The following TSHZ2 variants were observed in gnomAD, a reference collection of about 807,000 sequenced individuals.
TSHZ2 encodes teashirt homolog 2.
Under a neutral mutation model 74.4 loss-of-function variants are expected in TSHZ2, and 21 were observed. The ratio of observed to expected loss-of-function variants is 0.28; its 90% confidence interval spans 0.20 to 0.41. The LOEUF (loss-of-function observed/expected upper bound fraction) is 0.41, where lower values mean the gene tolerates loss of function less well. TSHZ2 is among the 10% of genes least tolerant of loss of function. The pLI is 1.00. For synonymous variants in TSHZ2, 540 were observed against 515.3 expected (o/e 1.05, Z -0.65); for missense variants, 1,244 against 1,293.5 (o/e 0.96, Z 0.59).
intron 2 of TSHZ2, among the ~76,000 whole-genome samples, chr20:53,272,868 T>C (rs929704615): frequency 2.0e-5 from 3 of 152,156 alleles, no homozygotes; most frequent in African/African-American, 7.2e-5. Flanking sequence ...ATAATAATAC[T>C]AAGGGCTAAC....
intron 1 of TSHZ2, among the ~76,000 whole-genome samples, chr20:53,073,556 A>G (rs897034633): frequency 2.6e-5 from 4 of 152,232 alleles, no homozygotes; most frequent in African/African-American, 9.6e-5. Context: ...CTACTGAATG[A>G]TTTTAAAACT....
intron 2 of TSHZ2, among the ~76,000 whole-genome samples, chr20:53,274,846 G>A (rs1055780051): frequency 6.6e-6 from 1 of 152,004 alleles, no homozygotes; most frequent in Admixed American, 6.6e-5. Flanking sequence ...CCTAGAGATG[G>A]GCACGTTGAA....
At chr20:53,477,978 G>A (rs1379044093) in intron 2 of TSHZ2, among the ~76,000 whole-genome samples, 2 of 142,864 alleles carry the variant, frequency 1.4e-5, no homozygotes, top group Non-Finnish European at 3.0e-5. Flanking sequence ...TCTCACACTA[G>A]TTAGAATGGC....
intron 1 of TSHZ2, among the ~76,000 whole-genome samples, chr20:53,203,507 A>C (rs974693139): frequency 4.6e-5 from 7 of 152,114 alleles, no homozygotes; most frequent in African/African-American, 1.7e-4. Flanking sequence ...TCTCAAACTC[A>C]TAGGTCTACA....
At chr20:53,304,183 TC>T (rs1358515841) in intron 2 of TSHZ2, among the ~76,000 whole-genome samples, 2 of 80,008 alleles carry the variant, frequency 2.5e-5, no homozygotes, top group African/African-American at 9.9e-5. Flanking sequence ...AAGCTAACCC[TC>T]CCCCCTCCCC....
At chr20:53,359,797 G>C (rs1318961879) in intron 2 of TSHZ2, among the ~76,000 whole-genome samples, 1 of 152,200 alleles carries the variant, frequency 6.6e-6, no homozygotes, top group African/African-American at 2.4e-5. Flanking sequence ...TCAGACCGTG[G>C]AGGGCTTCGA....
chr20:53,267,158 A>G (rs981040218), intron 2 of TSHZ2, among the ~76,000 whole-genome samples: 10 of 152,178 alleles, frequency 6.6e-5, no homozygotes, highest in African/African-American at 9.6e-5. Flanking sequence ...AAGGGCCACA[A>G]AGTCTCTAGC....
At position 53,256,552 on chromosome 20, in the gene TSHZ2, G is replaced by A. The variant is rs1191300372; in HGVS notation, c.3094G>A (p.Asp1032Asn). The A allele has an allele frequency of 1.3e-6, 2 of 1,587,118 alleles. No individual in the cohort carries two copies. Among genetic ancestry groups the A allele is most frequent in the Admixed American group, 3.4e-5 (2 of 58,878 alleles). Residue 1032 changes from aspartate to asparagine, a missense_variant, in exon 2 of 3, where the codon GAT (aspartate) becomes AAT (asparagine). Asp to Asn is a conservative substitution (Grantham distance 23). Coordinates refer to ENST00000371497, the MANE Select transcript of TSHZ2 (RefSeq NM_173485.6). The surrounding 1 kb of genome is among the most constrained non-coding windows in gnomAD (Gnocchi z 4.3). ...EHHSQFVTDV[D>N]EE is the part of the protein sequence containing the mutation. Reference sequence around the variant, plus strand: ...CCATTCACAGTTTGTAACAGACGTGGATGAAGAATAGCTCTGCAGGTATGG... The same window carrying A: ...CCATTCACAGTTTGTAACAGACGTGAATGAAGAATAGCTCTGCAGGTATGG...
intron 1 of TSHZ2, among the ~76,000 whole-genome samples, chr20:53,031,428 T>C (rs1305849306): frequency 2.0e-5 from 3 of 152,150 alleles, no homozygotes; most frequent in African/African-American, 7.2e-5. Context: ...ACCAGACAAG[T>C]AGTCACCAAA....
chr20:53,262,980 A>C (rs1223798772), intron 2 of TSHZ2, among the ~76,000 whole-genome samples: 1 of 152,206 alleles, frequency 6.6e-6, no homozygotes, highest in Non-Finnish European at 1.5e-5. Context: ...GAGTATATGG[A>C]AAAGCCAGGA....
chr20:53,254,889 A>C lies in TSHZ2; in HGVS notation c.1431A>C (p.Lys477Asn). The change falls in exon 2 of 3, where the codon AAA becomes AAC. Residue 477 changes from lysine to asparagine, a missense_variant. Coordinates refer to ENST00000371497, the MANE Select transcript of TSHZ2 (RefSeq NM_173485.6). ...ERPEETSKDEKVVKSEDYEDP... is the reference protein window; with the variant it reads ...ERPEETSKDENVVKSEDYEDP... ...CAGAGGAAACCAGCAAGGATGAGAA[A>C]GTCGTGAAAAGCGAGGACTATGAAG... 1 of 1,614,146 alleles carries C rather than the reference A, an allele frequency of 6.2e-7. No homozygotes were observed. Among genetic ancestry groups the C allele is most frequent in the Non-Finnish European group, 8.5e-7 (1 of 1,180,028 alleles).
Position 53,172,873 on chromosome 20 carries a change from C to A in TSHZ2, c.41-80626C>A, listed in dbSNP as rs1403705597. On this transcript the variant is annotated intron_variant, in intron 1 of 2. Transcript: ENST00000371497. ...CTTGAGGGAATCACGAGAGTGGACT[C>A]CACACAGCAGGTAGAGAGGAATGAT... is the stretch of plus-strand genomic sequence containing the variant. Among the ~76,000 whole-genome samples, 4 of 152,300 alleles carry A rather than the reference C, an allele frequency of 2.6e-5. No individual in the cohort carries two copies. The East Asian group carries it at 5.8e-4, about 22-fold the overall frequency.
At chr20:53,417,297 A>ATTTG (rs1007839004) in intron 2 of TSHZ2, among the ~76,000 whole-genome samples, 1 of 134,940 alleles carries the variant, frequency 7.4e-6, no homozygotes, top group African/African-American at 2.8e-5. Context: ...TTTTTTTTTT[A>ATTTG]TTTGTTTGTT....
intron 2 of TSHZ2, among the ~76,000 whole-genome samples, chr20:53,359,651 C>T (rs1028341938): frequency 6.6e-6 from 1 of 152,062 alleles, no homozygotes; most frequent in Non-Finnish European, 1.5e-5. Context: ...ATCTGAGCAG[C>T]GGGGCCAGCA....
chr20:53,116,251 C>T (rs1986662420), intron 1 of TSHZ2, among the ~76,000 whole-genome samples: 2 of 152,134 alleles, frequency 1.3e-5, no homozygotes, highest in South Asian at 2.1e-4. Flanking sequence ...AAGGAATGCA[C>T]ATTTAAGGAG....
chr20:53,287,095 C>T (rs1426507930), intron 2 of TSHZ2, among the ~76,000 whole-genome samples: 1 of 152,164 alleles, frequency 6.6e-6, no homozygotes, highest in Non-Finnish European at 1.5e-5. Flanking sequence ...AAAAGAGGGG[C>T]ACCCAGTCTT....
intron 1 of TSHZ2, among the ~76,000 whole-genome samples, chr20:53,003,979 G>A (rs1256594649): frequency 2.0e-5 from 3 of 151,338 alleles, no homozygotes; most frequent in African/African-American, 7.3e-5. Flanking sequence ...AGAAGCTTCA[G>A]TGTCTGTGGA....
intron 1 of TSHZ2, among the ~76,000 whole-genome samples, chr20:53,075,597 G>T (rs1232345152): frequency 6.6e-6 from 1 of 152,174 alleles, no homozygotes; most frequent in African/African-American, 2.4e-5. Context: ...AAATGAGTTT[G>T]GATAGTATGT....
chr20:53,301,764 C>A (rs1443261260), intron 2 of TSHZ2, among the ~76,000 whole-genome samples: 2 of 152,212 alleles, frequency 1.3e-5, no homozygotes, highest in African/African-American at 2.4e-5. Context: ...CCACCTGCAA[C>A]CCCCAACTTT....
Sources: allele counts gnomAD v4.1 joint callset (sites outside exome capture counted in the v4.1 genomes callset), GRCh38; gene constraint gnomAD v4.1.1; non-coding constraint Gnocchi (gnomAD v3.1); transcripts MANE v1.5; gene names NCBI Gene and HGNC (gene_info 2026-07-23, HGNC 2026-07-21).